The following COL18A1 variants were observed in gnomAD, a reference collection of about 807,000 sequenced individuals.
The protein encoded by COL18A1 is collagen alpha-1(XVIII) chain.
Under a neutral mutation model 168.0 loss-of-function variants are expected in COL18A1, and 133 were observed. The ratio of observed to expected loss-of-function variants is 0.79; its 90% CI spans 0.69 to 0.91. The LOEUF (loss-of-function observed/expected upper bound fraction) is 0.91, where lower values mean the gene tolerates loss of function less well. COL18A1 is among the 40% of genes least tolerant of loss of function. COL18A1 has a pLI of 0.00. For missense variants in COL18A1, 2,126 were observed against 1,925.4 expected, an observed-to-expected ratio of 1.10 and a Z score of -1.95; for synonymous variants, 949 against 809.0, an observed-to-expected ratio of 1.17 and a Z score of -2.94.
At chr21:45,429,377 A>G (rs1014391591) in intron 2 of COL18A1, among the ~76,000 whole-genome samples, 2 of 152,096 alleles carry the variant, frequency 1.3e-5, no homozygotes, top group Admixed American at 6.6e-5. Context: ...GGTCGCTGTC[A>G]GCGATGGCTG....
rs1278279493 is a variant in COL18A1, at chr21:45,426,938, C to T, written c.106+21465C>T. On this transcript the variant is annotated intron_variant, in intron 2 of 41. Coordinates refer to ENST00000651438, the MANE Select transcript of COL18A1 (RefSeq NM_001379500.1). Reference sequence around the variant, plus strand: ...CAGAGGGGAGGGGATGCGGGGGTGCCGTGCACACAGGTGCTCTCAGGACGC... The same window carrying T: ...CAGAGGGGAGGGGATGCGGGGGTGCTGTGCACACAGGTGCTCTCAGGACGC... 4.6e-5 allele frequency among the ~76,000 whole-genome samples: 7 copies of T among 152,304 alleles called. No individual in the cohort carries two copies. In the South Asian group the frequency reaches 1.0e-3, roughly 23 times the overall value.
At chr21:45,483,225 G>A (rs1205891499) in intron 15 of COL18A1, among the ~76,000 whole-genome samples, 2 of 152,016 alleles carry the variant, frequency 1.3e-5, no homozygotes, top group Non-Finnish European at 2.9e-5. Flanking sequence ...CCCTGAGCTG[G>A]GCCCCCCAAC....
Position 45,493,153 on chromosome 21 carries a change from T to G in COL18A1, c.2215-10T>G, listed in dbSNP as rs2036417439. 1.3e-6 allele frequency: 2 copies of G among 1,554,642 alleles called. No individual in the cohort carries two copies. The highest frequency in any genetic ancestry group is 1.7e-6 in the Non-Finnish European group (2 of 1,149,308). ...GCCGCTCGGGCCTCACGGCCTGGCCTCCATTCCAGGGACCTGCAGGACCCA... is the reference window on the plus strand; with the variant it reads ...GCCGCTCGGGCCTCACGGCCTGGCCGCCATTCCAGGGACCTGCAGGACCCA... On this transcript the variant is annotated splice_polypyrimidine_tract_variant and intron_variant, in intron 24 of 41. Transcript: ENST00000651438.
intron 2 of COL18A1, among the ~76,000 whole-genome samples, chr21:45,422,000 C>T (rs1029075510): frequency 2.6e-5 from 4 of 152,118 alleles, no homozygotes; most frequent in South Asian, 2.1e-4. Context: ...GACACACGCT[C>T]GGGCCGATAC....
chr21:45,510,426 C>T (rs966786292), intron 40 of COL18A1, among the ~76,000 whole-genome samples, 165 bp downstream of exon 40: 2 of 152,184 alleles, frequency 1.3e-5, no homozygotes, highest in Admixed American at 6.5e-5. Flanking sequence ...GGGTCACACC[C>T]CTCCAGGCTC....
chr21:45,480,421 G>A (rs2035852053), intron 11 of COL18A1, 46 bp from the exon 12 acceptor site: 1 of 1,613,848 alleles, frequency 6.2e-7, no homozygotes, highest in South Asian at 1.1e-5. Context: ...AGGCCAGGCG[G>A]GGGGCCGAGC....
At position 45,493,586 on chromosome 21, in the gene COL18A1, G is replaced by A. The variant is rs2036433122; in HGVS notation, c.2352+11G>A. The A allele has an allele frequency of 1.9e-6, 3 of 1,549,242 alleles. No individual in the cohort carries two copies. Among genetic ancestry groups the A allele is most frequent in the Admixed American group, 2.0e-5 (1 of 51,084 alleles). ...CAGAAAGGAGCCAAGGTGAGGGCCG[G>A]GCAGCCTCCTTCCGGCAGGCGTGGG... is the stretch of plus-strand genomic sequence containing the variant. On this transcript the variant is annotated intron_variant, in intron 26 of 41. Transcript: ENST00000651438.
chr21:45,441,079 C>T (rs2034358176), intron 2 of COL18A1, among the ~76,000 whole-genome samples: 1 of 152,188 alleles, frequency 6.6e-6, no homozygotes, highest in Admixed American at 6.5e-5. Context: ...CAAGCTCTGC[C>T]CACCGCCTCA....
intron 32 of COL18A1, among the ~76,000 whole-genome samples, chr21:45,503,506 AATC>A (rs1420242555): frequency 6.6e-6 from 1 of 151,982 alleles, no homozygotes; most frequent in Non-Finnish European, 1.5e-5. Flanking sequence ...TGAAATTGGA[AATC>A]ATCATTCTCA....
At chr21:45,438,144 ACT>A (rs1311957854) in intron 2 of COL18A1, among the ~76,000 whole-genome samples, 4 of 90,894 alleles carry the variant, frequency 4.4e-5, no homozygotes, top group Admixed American at 2.1e-4. Flanking sequence ...ACACACACTC[ACT>A]CAGACACAGG....
rs1971320111 is a variant in COL18A1, at chr21:45,512,642, C to T, written c.*244C>T. On this transcript the variant is annotated 3_prime_UTR_variant, in exon 42 of 42. Coordinates refer to ENST00000651438, the MANE Select transcript of COL18A1 (RefSeq NM_001379500.1). ...CCAACTCTCCCCTGACCTGTGAGCC[C>T]AGCTGGGTCAGGCAGGGTGCAGTAT... 5.3e-6 allele frequency: 3 copies of T among 571,412 alleles called. No individual in the cohort carries two copies. Among genetic ancestry groups the T allele is most frequent in the Non-Finnish European group, 9.4e-6 (3 of 319,524 alleles). The allele number at this position is 571,412 out of a possible 1,614,324, so 35.4% of individuals were successfully genotyped here. A position where few individuals can be genotyped will look rare whatever the true frequency, so the allele number is the denominator to read the frequency against.
chr21:45,429,346 C>T (rs1395648081), intron 2 of COL18A1, among the ~76,000 whole-genome samples: 7 of 152,236 alleles, frequency 4.6e-5, no homozygotes, highest in African/African-American at 1.7e-4. Context: ...TGCACAGTTG[C>T]CACGGGGAGC....
chr21:45,473,928 C>A lies in COL18A1; in HGVS notation c.685C>A (p.Pro229Thr), dbSNP rs768974310. The A allele has an allele frequency of 3.1e-6, 5 of 1,606,200 alleles. No individual in the cohort carries two copies. In the East Asian group the frequency reaches 1.1e-4, roughly 36 times the overall value. ...CGCTGAGCTGAAGGTGCGCAGGGACCCCCAGGTGAGCCCCATGCACTGCCT... is the reference window on the plus strand; with the variant it reads ...CGCTGAGCTGAAGGTGCGCAGGGACACCCAGGTGAGCCCCATGCACTGCCT... Reference protein sequence around the residue: ...VIAELKVRRDPQVSPMHCLDE... With the variant: ...VIAELKVRRDTQVSPMHCLDE... Residue 229 changes from proline (P) to threonine (T), a missense_variant, in exon 4 of 42, where the codon CCC becomes ACC. Transcript: ENST00000651438. The surrounding 1 kb of genome is among the most constrained non-coding windows in gnomAD (Gnocchi z 4.0).
intron 5 of COL18A1, among the ~76,000 whole-genome samples, chr21:45,475,761 G>A (rs541999565): frequency 6.6e-6 from 1 of 152,360 alleles, no homozygotes; most frequent in African/African-American, 2.4e-5. Flanking sequence ...TCTGGTGAGA[G>A]GATATTCCTT....
At chr21:45,507,997 G>GTGGA (rs1172396922) in intron 38 of COL18A1, among the ~76,000 whole-genome samples, 6 of 151,070 alleles carry the variant, frequency 4.0e-5, no homozygotes, top group Non-Finnish European at 8.8e-5. Context: ...CAATGGGGAG[G>GTGGA]TGGATGGATG....
At chr21:45,502,745 C>T (rs2036931805) in intron 32 of COL18A1, 1 of 152,130 alleles carries the variant, frequency 6.6e-6, no homozygotes, top group Non-Finnish European at 1.5e-5. Flanking sequence ...GGTGGAGGGA[C>T]CCTCAAGTCA....
rs761126469 is a variant in COL18A1 at position 45,480,764 on chromosome 21, G to T, written c.1517G>T (p.Gly506Val). 5 of 1,611,232 alleles carry T rather than the reference G, an allele frequency of 3.1e-6. No homozygotes were observed. Among genetic ancestry groups the T allele is most frequent in the Non-Finnish European group, 4.2e-6 (5 of 1,179,886 alleles). Residue 506 changes from glycine (G) to valine (V), a missense_variant, in exon 13 of 42, where the codon GGC becomes GTC. Coordinates refer to ENST00000651438, the MANE Select transcript of COL18A1 (RefSeq NM_001379500.1). ...GTCCCAGGCCTGCCCGGCGAGCCAG[G>T]CCGCTTTGGGGTGAACAGCTCCGAC... ...PGVPGLPGEP[G>V]RFGVNSSDVP... is the part of the protein sequence containing the mutation.
At chr21:45,504,195 G>A (rs977239878) in intron 33 of COL18A1, 141 bp downstream of exon 33, 49 of 1,038,384 alleles carry the variant, frequency 4.7e-5, no homozygotes, top group Middle Eastern at 2.9e-4. Context: ...AGAGGGTGTC[G>A]AGGGCGTCCC....
intron 32 of COL18A1, among the ~76,000 whole-genome samples, chr21:45,499,859 T>C (rs1176330048): frequency 2.6e-5 from 4 of 152,180 alleles, no homozygotes; most frequent in Admixed American, 2.6e-4. Flanking sequence ...GAAAAAGGAA[T>C]GCAGAACACG....
Sources: gnomAD v4.1 joint callset for allele counts (sites outside exome capture counted in the v4.1 genomes callset) on GRCh38, gnomAD v4.1.1 for gene constraint, Gnocchi (gnomAD v3.1) non-coding constraint, MANE v1.5 for transcripts, NCBI Gene and HGNC (gene_info 2026-07-23, HGNC 2026-07-21) for gene names.